The following TRPC5 variants were observed in gnomAD, a reference collection of about 807,000 sequenced individuals.
TRPC5 encodes short transient receptor potential channel 5.
A neutral mutation model predicts 56.5 loss-of-function variants in TRPC5; 9 were observed. The observed-to-expected ratio is 0.16, with a 90% CI of 0.10 to 0.28. The LOEUF (loss-of-function observed/expected upper bound fraction) is 0.28. TRPC5 is among the 10% of genes least tolerant of loss of function. TRPC5 has a pLI of 1.00. For synonymous variants in TRPC5, 282 were observed against 278.5 expected (o/e 1.01, Z -0.13); for missense variants, 469 against 748.9 (o/e 0.63, Z 4.36).
chrX:111,901,936 A>G, intron 3 of TRPC5: 1 of 1,154,885 alleles, frequency 8.7e-7, no homozygotes, highest in Non-Finnish European at 1.1e-6. Context: ...AGCTTTTACA[A>G]TTCATTCTAC....
At chrX:112,036,478 G>A (rs1479097492) in intron 1 of TRPC5, among the ~76,000 whole-genome samples, 2 of 111,780 alleles carry the variant, frequency 1.8e-5, no homozygotes, top group Non-Finnish European at 3.8e-5. Context: ...CAGGGACCAG[G>A]GTCCCACACA....
intron 1 of TRPC5, among the ~76,000 whole-genome samples, chrX:112,005,882 C>G (rs1487681215): frequency 8.9e-6 from 1 of 111,772 alleles, no homozygotes. Context: ...ATGCAGATGC[C>G]TGGACAAATC....
At chrX:111,944,304 G>GAGAA (rs1556592188) in intron 2 of TRPC5, among the ~76,000 whole-genome samples, 5 of 70,255 alleles carry the variant, frequency 7.1e-5, no homozygotes, top group African/African-American at 3.3e-4. Context: ...GTGTGTGTGT[G>GAGAA]AGAGAGAGAG....
chrX:112,028,315 G>T (rs1929478853), intron 1 of TRPC5, among the ~76,000 whole-genome samples: 1 of 110,726 alleles, frequency 9.0e-6, no homozygotes, highest in Non-Finnish European at 1.9e-5. Context: ...TAGGGTGCAT[G>T]TGCATAACGT....
rs980711768 is a variant in TRPC5 at position 111,772,436 on chromosome X, CTTTA to C, written c.*3873_*3876del. Among the ~76,000 whole-genome samples, 1 of 110,941 alleles carries C rather than the reference CTTTA, an allele frequency of 9.0e-6. No homozygotes were observed. The highest frequency in any genetic ancestry group is 1.9e-5 in the Non-Finnish European group (1 of 52,960). On this transcript the variant is annotated 3_prime_UTR_variant, in exon 11 of 11. Coordinates refer to ENST00000262839, the MANE Select transcript of TRPC5 (RefSeq NM_012471.3). ...AATATACTCAATTTTTCTTAGGTAC[CTTTA>C]TTTATTTATTTTTGAGACAGTCTCG...
chrX:111,875,661 G>C, intron 3 of TRPC5, among the ~76,000 whole-genome samples: 1 of 97,611 alleles, frequency 1.0e-5, no homozygotes, highest in Non-Finnish European at 2.0e-5. Context: ...TGATTAATGT[G>C]ATGTTTTCTT....
At chrX:111,831,692 A>C (rs752126039) in intron 7 of TRPC5, among the ~76,000 whole-genome samples, 10 of 111,937 alleles carry the variant, frequency 8.9e-5, no homozygotes, top group Non-Finnish European at 1.7e-4. Flanking sequence ...ACTAAAGCAA[A>C]TACTCCATAG....
At chrX:112,072,724 AC>A (rs1172004948) in intron 1 of TRPC5, among the ~76,000 whole-genome samples, 1 of 111,797 alleles carries the variant, frequency 8.9e-6, no homozygotes, top group African/African-American at 3.2e-5. Context: ...CTGAGTTGGG[AC>A]TTGAGTTTAG....
At chrX:111,929,353 C>A (rs1230991116) in intron 2 of TRPC5, among the ~76,000 whole-genome samples, 1 of 112,483 alleles carries the variant, frequency 8.9e-6, no homozygotes, top group Admixed American at 9.4e-5. Flanking sequence ...TTCTTTCATA[C>A]CGTGCCAAGG....
At chrX:112,066,357 G>A (rs1930583425) in intron 1 of TRPC5, among the ~76,000 whole-genome samples, 1 of 111,744 alleles carries the variant, frequency 8.9e-6, no homozygotes, top group Non-Finnish European at 1.9e-5. Flanking sequence ...CAGCCCCTGT[G>A]TTAGGCCCTG....
intron 1 of TRPC5, among the ~76,000 whole-genome samples, chrX:111,955,096 G>T (rs1927196520): frequency 8.9e-6 from 1 of 111,822 alleles, no homozygotes; most frequent in Non-Finnish European, 1.9e-5. Context: ...ATGGTAATTT[G>T]TAACTTGAGG....
intron 1 of TRPC5, among the ~76,000 whole-genome samples, chrX:112,047,461 A>G (rs1930071314): frequency 9.0e-6 from 1 of 111,433 alleles, no homozygotes; most frequent in Non-Finnish European, 1.9e-5. Flanking sequence ...TGGAGGTTCC[A>G]GAGGGAGCAC....
chrX:111,923,682 G>A (rs1018631106), intron 2 of TRPC5, among the ~76,000 whole-genome samples: 1 of 111,792 alleles, frequency 8.9e-6, no homozygotes, highest in African/African-American at 3.2e-5. Flanking sequence ...CCGGCCTTTG[G>A]AGAGACAGCC....
chrX:111,806,790 G>A (rs1921528973), intron 7 of TRPC5, among the ~76,000 whole-genome samples: 1 of 110,151 alleles, frequency 9.1e-6, no homozygotes, highest in African/African-American at 3.3e-5. Flanking sequence ...GTTTATCTGG[G>A]ACAATCTTTA....
chrX:111,956,140 C>T (rs1927229312), intron 1 of TRPC5, among the ~76,000 whole-genome samples: 1 of 112,739 alleles, frequency 8.9e-6, no homozygotes, highest in Non-Finnish European at 1.9e-5. Flanking sequence ...CACAAAATGG[C>T]TTTGGCAAAT....
At chrX:111,840,593 G>C (rs903309682) in intron 6 of TRPC5, among the ~76,000 whole-genome samples, 3 of 111,665 alleles carry the variant, frequency 2.7e-5, no homozygotes, top group Non-Finnish European at 5.6e-5. Flanking sequence ...TTGGCTATAC[G>C]TCTATAAAGT....
At chrX:111,789,229 G>A (rs889413801) in intron 7 of TRPC5, among the ~76,000 whole-genome samples, 1 of 111,383 alleles carries the variant, frequency 9.0e-6, no homozygotes, top group Non-Finnish European at 1.9e-5. Context: ...ATAGACCAAT[G>A]GAACAGAACA....
Position 111,875,887 on chromosome X carries a change from A to T in TRPC5, c.901-21781T>A, listed in dbSNP as rs181951995. On this transcript the variant is annotated intron_variant, in intron 3 of 10. Coordinates refer to ENST00000262839, the MANE Select transcript of TRPC5 (RefSeq NM_012471.3). ...GTTAGTGCTATTAAACAAAGAAGGG[A>T]TGTGTTTTTGTTTGTGGTGTGTGTG... 1.0e-4 allele frequency among the ~76,000 whole-genome samples: 11 copies of T among 109,650 alleles called. No individual in the cohort carries two copies. The East Asian group carries it at 2.9e-3, about 28-fold the overall frequency.
chrX:111,799,785 CAAAT>C (rs1343175822), intron 7 of TRPC5, among the ~76,000 whole-genome samples: 3 of 110,411 alleles, frequency 2.7e-5, no homozygotes, highest in Non-Finnish European at 5.7e-5. Context: ...AAAAGGGTAA[CAAAT>C]GAAGGGTTTC....
Sources: gnomAD v4.1 joint callset for allele counts (sites outside exome capture counted in the v4.1 genomes callset) on GRCh38, gnomAD v4.1.1 for gene constraint, MANE v1.5 for transcripts, NCBI Gene and HGNC (gene_info 2026-07-23, HGNC 2026-07-21) for gene names.